Variants in ARL10 observed in about 807,000 individuals in gnomAD.
ARL10 encodes the protein ADP-ribosylation factor-like protein 10.
A neutral mutation model predicts 26.1 loss-of-function variants in ARL10; 23 were observed. That is an observed-to-expected ratio of 0.88 (90% CI 0.63 to 1.25). The LOEUF (loss-of-function observed/expected upper bound fraction) is 1.25. Ranked by LOEUF, ARL10 falls within the 50% of genes most tolerant of loss-of-function variation. ARL10 has a pLI of 0.00. For missense variants in ARL10, 300 were observed against 323.6 expected, an observed-to-expected ratio of 0.93 and a Z score of 0.56; for synonymous variants, 138 against 149.1, an observed-to-expected ratio of 0.93 and a Z score of 0.54.
Position 176,372,852 on chromosome 5 carries a change from T to C in ARL10, c.*957T>C. On this transcript the variant is annotated 3_prime_UTR_variant, in exon 4 of 4. Coordinates refer to ENST00000310389, the MANE Select transcript of ARL10 (RefSeq NM_173664.6). ...AGTTCTAGGCTCTGTTTCTAGGTGC[T>C]GTTTTCAAAACCCCAGATGACAGTC... The C allele has an allele frequency of 2.5e-6, 1 of 398,832 alleles. No homozygotes were observed. Among genetic ancestry groups the C allele is most frequent in the East Asian group, 3.6e-5 (1 of 28,088 alleles). 24.7% of individuals were successfully genotyped at this position (398,832 alleles called of 1,614,324 possible). A position where few individuals can be genotyped will look rare whatever the true frequency, so the allele number is the denominator to read the frequency against.
In ARL10 at chr5:176,397,291, G is replaced by GTCATGTCCCCACAGCCCCTC. The variant is rs1318489945; in HGVS notation, c.134-4438_134-4419dup. 3.6e-4 allele frequency among the ~76,000 whole-genome samples: 55 copies of GTCATGTCCCCACAGCCCCTC among 151,746 alleles called. 1 individual carries two copies. Among genetic ancestry groups the GTCATGTCCCCACAGCCCCTC allele is most frequent in the Non-Finnish European group, 1.8e-4 (12 of 67,896 alleles). Reference sequence around the variant, plus strand: ...GGCAGGGAGCACTGGGCAGTGTTCAGTCATGTCCCCACAGCCCCTCTCATG... The same window carrying GTCATGTCCCCACAGCCCCTC: ...GGCAGGGAGCACTGGGCAGTGTTCAGTCATGTCCCCACAGCCCCTCTCATGTCCCCACAGCCCCTCTCATG... On this transcript the variant is annotated intron_variant, in intron 1 of 1. Coordinates refer to the ARL10 transcript ENST00000514533.
downstream of ARL10, among the ~76,000 whole-genome samples, chr5:176,402,215 T>C (rs971857194): frequency 3.3e-5 from 5 of 152,108 alleles, no homozygotes; most frequent in Non-Finnish European, 5.9e-5. Context: ...GGCAGGAGAA[T>C]TGAACCCGGG....
chr5:176,394,117 A>T (rs565700624), intron 1 of ARL10, among the ~76,000 whole-genome samples: 138 of 152,276 alleles, frequency 9.1e-4, no homozygotes, highest in Non-Finnish European at 9.1e-4. Flanking sequence ...CTGAGAATTC[A>T]ATGAGGTAGC....
chr5:176,384,190 C>T (rs140981968), downstream of ARL10: 1,122 of 1,614,090 alleles, frequency 7.0e-4, 12 homozygotes, highest in African/African-American at 0.011. Flanking sequence ...TTCACTGGTC[C>T]GGGGGACGCC....
chr5:176,371,521 T>C (rs1323964622), intron 3 of ARL10, among the ~76,000 whole-genome samples: 1 of 145,584 alleles, frequency 6.9e-6, no homozygotes, highest in Non-Finnish European at 1.5e-5. Flanking sequence ...GGGGATAGCC[T>C]AAGAACAGTG....
In ARL10 at chr5:176,395,481, C is replaced by T. The variant is rs534150689; in HGVS notation, c.134-6260C>T. Among the ~76,000 whole-genome samples, 578 of 152,324 alleles carry T rather than the reference C, an allele frequency of 3.8e-3. 4 individuals are homozygous for T. The highest frequency in any genetic ancestry group is 6.3e-3 in the Admixed American group (97 of 15,300). On this transcript the variant is annotated intron_variant, in intron 1 of 1. Coordinates refer to the ARL10 transcript ENST00000514533. ...CGAAGGCTCTGGTGTGCTCTGTGCC[C>T]TGTGAGAGGAGGCTTAGCCTCGACA... is the stretch of plus-strand genomic sequence containing the variant.
At position 176,374,548 on chromosome 5, in the gene ARL10, C is replaced by T. The variant is rs1355619729; in HGVS notation, c.*2653C>T. 1 of 152,168 alleles carries T rather than the reference C, an allele frequency of 6.6e-6. No homozygotes were observed. The highest frequency in any genetic ancestry group is 1.5e-5 in the Non-Finnish European group (1 of 68,024). The allele number at this position is 152,168 out of a possible 1,614,324, so 9.4% of individuals were successfully genotyped here. A position where few individuals can be genotyped will look rare whatever the true frequency, so the allele number is the denominator to read the frequency against. ...GGAATGCATCCCTTAATATGAGTCT[C>T]CACAAACCAAACTGATTGGAATCAA... On this transcript the variant is annotated 3_prime_UTR_variant, in exon 4 of 4. Transcript: ENST00000310389.
At chr5:176,413,743 T>C in the ARL10 span, among the ~76,000 whole-genome samples, 2 of 152,200 alleles carry the variant, frequency 1.3e-5, no homozygotes, top group South Asian at 2.1e-4. Context: ...CAGCACTGCA[T>C]AGGCTGAGAA....
chr5:176,402,580 C>G (rs928147904), downstream of ARL10, among the ~76,000 whole-genome samples: 2 of 152,346 alleles, frequency 1.3e-5, no homozygotes, highest in East Asian at 1.9e-4. Flanking sequence ...TGTCCTCCCC[C>G]TTCCCTCCCT....
chr5:176,392,630 G>GC (rs1478427952), downstream of ARL10: 3 of 919,830 alleles, frequency 3.3e-6, no homozygotes, highest in Non-Finnish European at 4.9e-6. This position sits in a 1 kb window ranked among gnomAD's most constrained non-coding sequence, Gnocchi z 5.2. Context: ...TGGGGTGAGG[G>GC]CCCCCCTCCC....
the ARL10 span, among the ~76,000 whole-genome samples, chr5:176,412,174 CAAAAAAAAA>C: frequency 1.2e-5 from 1 of 82,396 alleles, no homozygotes; most frequent in African/African-American, 4.7e-5. Flanking sequence ...AGACTCATCT[CAAAAAAAAA>C]AAAAAAAAAA....
downstream of ARL10, chr5:176,389,376 T>C (rs1296418896): frequency 1.9e-6 from 3 of 1,614,040 alleles, no homozygotes; most frequent in Non-Finnish European, 2.5e-6. Context: ...CTCTACTCCT[T>C]CCACCGGGGC....
rs1561775495 is a variant in ARL10, at chr5:176,374,701, A to AT, written c.*2812dup. 1.3e-5 allele frequency: 2 copies of AT among 152,326 alleles called. No homozygotes were observed. Among genetic ancestry groups the AT allele is most frequent in the South Asian group, 2.1e-4 (1 of 4,824 alleles). The allele number at this position is 152,326 out of a possible 1,614,324, so 9.4% of individuals were successfully genotyped here. Reference sequence around the variant, plus strand: ...AAGTACCTTAATTGTAAAGTGTTTGATTTTTTAGTTAGCTTTTGGTAACAC... The same window carrying AT: ...AAGTACCTTAATTGTAAAGTGTTTGATTTTTTTAGTTAGCTTTTGGTAACAC... On this transcript the variant is annotated 3_prime_UTR_variant, in exon 4 of 4. Transcript: ENST00000310389.
At chr5:176,409,380 C>T in the ARL10 span, among the ~76,000 whole-genome samples, 1 of 144,966 alleles carries the variant, frequency 6.9e-6, no homozygotes, top group Admixed American at 6.9e-5. Flanking sequence ...CATCTTTTCA[C>T]GTCAATACAG....
the ARL10 span, among the ~76,000 whole-genome samples, chr5:176,412,926 C>T: frequency 6.6e-6 from 1 of 152,132 alleles, no homozygotes; most frequent in African/African-American, 2.4e-5. Context: ...CCGGTCTGTA[C>T]ATTTGGCCTT....
intron 1 of ARL10, among the ~76,000 whole-genome samples, chr5:176,396,962 C>A (rs1554126983): frequency 6.6e-6 from 1 of 151,680 alleles, no homozygotes; most frequent in Non-Finnish European, 1.5e-5. Flanking sequence ...CCTTTTTTCC[C>A]TTTTTTCCTC....
At position 176,397,557 on chromosome 5, in the gene ARL10, A is replaced by G. The variant is rs1257685024; in HGVS notation, c.134-4184A>G. 7 of 257,408 alleles carry G rather than the reference A, an allele frequency of 2.7e-5. No individual in the cohort carries two copies. In the East Asian group the frequency reaches 7.6e-4, roughly 28 times the overall value. 15.9% of individuals were successfully genotyped at this position (257,408 alleles called of 1,614,324 possible). A position where few individuals can be genotyped will look rare whatever the true frequency, so the allele number is the denominator to read the frequency against. On this transcript the variant is annotated intron_variant, in intron 1 of 1. Coordinates refer to the ARL10 transcript ENST00000514533. ...CCCCACGGCCCCCTCATGTCCCCAC[A>G]GCCCCCCTCATGTCCCCATGGCCCC...
chr5:176,388,203 A>G (rs1373133500), intron 1 of ARL10: 1 of 1,488,252 alleles, frequency 6.7e-7, no homozygotes, highest in South Asian at 1.1e-5. Context: ...AGAGTAAAGA[A>G]GACAAGGACC....
intron 1 of ARL10, chr5:176,388,179 A>G: frequency 7.6e-7 from 1 of 1,317,936 alleles, no homozygotes; most frequent in Non-Finnish European, 1.1e-6. Context: ...CACCTAGGTC[A>G]GTATGGCGGG....
Sources: allele counts gnomAD v4.1 joint callset (sites outside exome capture counted in the v4.1 genomes callset), GRCh38; gene constraint gnomAD v4.1.1; non-coding constraint Gnocchi (gnomAD v3.1); transcripts MANE v1.5; gene names NCBI Gene and HGNC (gene_info 2026-07-23, HGNC 2026-07-21).